The following ENSA variants were observed in gnomAD, a reference collection of about 807,000 sequenced individuals.
The protein encoded by ENSA is endosulfine alpha.
Under a neutral mutation model 16.8 loss-of-function variants are expected in ENSA, and 7 were observed. The observed-to-expected ratio is 0.42, with a 90% CI of 0.24 to 0.78. The LOEUF (loss-of-function observed/expected upper bound fraction) is 0.78, where lower values mean the gene tolerates loss of function less well. Ranked by LOEUF, ENSA falls within the 30% of genes least tolerant of loss-of-function variation. The pLI is 0.29. For synonymous variants in ENSA, 58 were observed against 53.4 expected (o/e 1.09, Z -0.37); for missense variants, 87 against 142.3 (o/e 0.61, Z 1.98).
At chr1:150,628,964 C>T in intron 1 of ENSA, 2 of 1,314,948 alleles carry the variant, frequency 1.5e-6, no homozygotes, top group Non-Finnish European at 2.2e-6. Flanking sequence ...CACTTCTCCC[C>T]TCCCCCAATA....
intron 1 of ENSA, chr1:150,629,085 A>C: frequency 6.2e-7 from 1 of 1,613,876 alleles, no homozygotes; most frequent in Non-Finnish European, 8.5e-7. Flanking sequence ...AACACACATC[A>C]CACCCAAGAC....
chr1:150,622,868 G>C lies in ENSA; in HGVS notation c.351-9C>G. On this transcript the variant is annotated splice_polypyrimidine_tract_variant and intron_variant, in intron 3 of 3. Transcript: ENST00000369014. The stretch of plus-strand genomic sequence containing the variant: ...ATCATTCAACTTGGCCACTGCGGAC[G>C]AACACAGAAGAAAAAAAAAAAAAAC... The C allele has an allele frequency of 7.0e-7, 1 of 1,424,200 alleles. No homozygotes were observed. The highest frequency in any genetic ancestry group is 9.3e-7 in the Non-Finnish European group (1 of 1,069,896). The allele number at this position is 1,424,200 out of a possible 1,614,324, so 88.2% of individuals were successfully genotyped here. A position where few individuals can be genotyped will look rare whatever the true frequency, so the allele number is the denominator to read the frequency against.
In ENSA at chr1:150,622,809, A is replaced by T; in HGVS notation, c.*35T>A. 6.4e-7 allele frequency: 1 copy of T among 1,561,346 alleles called. No homozygotes were observed. The highest frequency in any genetic ancestry group is 1.4e-5 in the African/African-American group (1 of 73,414). On this transcript the variant is annotated 3_prime_UTR_variant, in exon 4 of 4. Transcript: ENST00000369014. ...AGGACCCGGGTGGGGCAGGGAGGGG[A>T]AGCGTCTCAGGATCTGGCAGAGCCC...
At chr1:150,627,116 A>C in intron 2 of ENSA, 1 of 1,411,758 alleles carries the variant, frequency 7.1e-7, no homozygotes, top group Non-Finnish European at 9.2e-7. Context: ...ATGCATCCCA[A>C]AATTTATCTC....
intron 1 of ENSA, among the ~76,000 whole-genome samples, chr1:150,628,637 T>C (rs935791230): frequency 1.3e-5 from 2 of 152,174 alleles, no homozygotes; most frequent in African/African-American, 4.8e-5. Context: ...GTGTATTTAA[T>C]GAGTACCTGA....
In ENSA at chr1:150,626,236, G is replaced by T. The variant is rs181943088; in HGVS notation, c.184-428C>A. ...TATGGGGCTATCCTAGCCACCAGGAGATCAACCACAAGCCAACAACCTCAA... is the reference window on the plus strand; with the variant it reads ...TATGGGGCTATCCTAGCCACCAGGATATCAACCACAAGCCAACAACCTCAA... On this transcript the variant is annotated intron_variant, in intron 2 of 3. Coordinates refer to ENST00000369014, the MANE Select transcript of ENSA (RefSeq NM_004436.4). 4.9e-3 allele frequency among the ~76,000 whole-genome samples: 753 copies of T among 152,332 alleles called. 12 individuals carry two copies. The highest frequency in any genetic ancestry group is 1.9e-3 in the Non-Finnish European group (129 of 68,036).
At chr1:150,628,142 A>C (rs992670246) in intron 1 of ENSA, among the ~76,000 whole-genome samples, 1 of 152,162 alleles carries the variant, frequency 6.6e-6, no homozygotes, top group Non-Finnish European at 1.5e-5. Flanking sequence ...ACAACAACAA[A>C]AAATAGTTTG....
rs1305517264 is a variant in ENSA at position 150,625,805 on chromosome 1, T to C, written c.187A>G (p.Lys63Glu). The change falls in exon 3 of 4, where the codon AAG (lysine) becomes GAG (glutamate). Residue 63 changes from lysine (K) to glutamate (E), a missense_variant. Lys to Glu is a moderately conservative substitution (Grantham distance 56, BLOSUM62 1). Coordinates refer to ENST00000369014, the MANE Select transcript of ENSA (RefSeq NM_004436.4). ...FLMKRLQKGQ[K>E]YFDSGDYNMA... ...TTGTAGTCTCCTGAGTCAAAGTACT[T>C]TTGCTAAGAGATAAGAGGGAGGTTT... is the stretch of plus-strand genomic sequence containing the variant. The C allele has an allele frequency of 6.3e-7, 1 of 1,599,754 alleles. No individual in the cohort carries two copies. Among genetic ancestry groups the C allele is most frequent in the Non-Finnish European group, 8.5e-7 (1 of 1,172,306 alleles).
Position 150,627,544 on chromosome 1 carries a change from T to C in ENSA, c.106A>G (p.Lys36Glu). Residue 36 changes from lysine to glutamate, a missense_variant, in exon 2 of 4, where the codon AAG becomes GAG. By Grantham distance (56) the Lys-to-Glu change is moderately conservative (BLOSUM62 1). Coordinates refer to ENST00000369014, the MANE Select transcript of ENSA (RefSeq NM_004436.4). ...GILPERAEEA[K>E]LKAKYPSLGQ... ...AGGCTTGGGTATTTGGCCTTTAGCT[T>C]TGCCTCTTCAGCTCTCTCAGGCAGA... is the stretch of plus-strand genomic sequence containing the variant. The C allele has an allele frequency of 6.2e-7, 1 of 1,614,074 alleles. No homozygotes were observed. The highest frequency in any genetic ancestry group is 1.1e-5 in the South Asian group (1 of 91,072).
rs1649036379 is a variant in ENSA, at chr1:150,622,546, T to G, written c.*298A>C. On this transcript the variant is annotated 3_prime_UTR_variant, in exon 4 of 4. Coordinates refer to ENST00000369014, the MANE Select transcript of ENSA (RefSeq NM_004436.4). Reference sequence around the variant, plus strand: ...AACTCCAAGCCCTAATTCATACTCCTCCATATCTCCCACCCCACCCTTTCA... The same window carrying G: ...AACTCCAAGCCCTAATTCATACTCCGCCATATCTCCCACCCCACCCTTTCA... 3.0e-6 allele frequency: 1 copy of G among 328,944 alleles called. No homozygotes were observed. The highest frequency in any genetic ancestry group is 5.5e-6 in the Non-Finnish European group (1 of 181,836). 20.4% of individuals were successfully genotyped at this position (328,944 alleles called of 1,614,324 possible).
In ENSA at chr1:150,626,833, T is replaced by C. The variant is rs145166763; in HGVS notation, c.183+634A>G. ...TGCTGGGATTACAGGCGTGAGCCAC[T>C]GCGCCTGGCCAAATTTTTTTTTTAA... On this transcript the variant is annotated intron_variant, in intron 2 of 3. Coordinates refer to ENST00000369014, the MANE Select transcript of ENSA (RefSeq NM_004436.4). Among the ~76,000 whole-genome samples the C allele has an allele frequency of 9.1e-3, 1,382 of 152,278 alleles. 25 individuals carry two copies. The highest frequency in any genetic ancestry group is 0.031 in the African/African-American group (1,270 of 41,552).
chr1:150,627,933 C>T (rs1284525972), intron 1 of ENSA, among the ~76,000 whole-genome samples: 1 of 152,122 alleles, frequency 6.6e-6, no homozygotes, highest in South Asian at 2.1e-4. Context: ...AAAAGCAGGG[C>T]TTCTGGTGAT....
chr1:150,628,498 CTTT>C (rs36124577), intron 1 of ENSA, among the ~76,000 whole-genome samples: 2 of 142,978 alleles, frequency 1.4e-5, no homozygotes, highest in Middle Eastern at 3.6e-3. Flanking sequence ...TAGTCAATCT[CTTT>C]TTTTTTTTTT....
intron 2 of ENSA, chr1:150,626,966 C>T: frequency 2.3e-6 from 2 of 852,794 alleles, no homozygotes; most frequent in Non-Finnish European, 2.9e-6. Flanking sequence ...TAAGGAGGAC[C>T]ACTCTGAACA....
chr1:150,628,856 G>T, intron 1 of ENSA: 1 of 593,964 alleles, frequency 1.7e-6, no homozygotes, highest in East Asian at 2.8e-5. Context: ...CTTCAATATT[G>T]CTGGGTCCTC....
chr1:150,627,577 C>T lies in ENSA; in HGVS notation c.73G>A (p.Glu25Lys). The change falls in exon 2 of 4, where the codon GAA becomes AAA. Residue 25 changes from glutamate to lysine, a missense_variant. Glu to Lys is a moderately conservative substitution (Grantham distance 56). Coordinates refer to ENST00000369014, the MANE Select transcript of ENSA (RefSeq NM_004436.4). ...GEEKQDTQEK[E>K]GILPERAEEA... ...TCAGCTCTCTCAGGCAGAATACCTT[C>T]TTTCTCCTGCGTGTCCTGGAGAAAA... The T allele has an allele frequency of 6.2e-7, 1 of 1,611,176 alleles. No homozygotes were observed. The highest frequency in any genetic ancestry group is 8.5e-7 in the Non-Finnish European group (1 of 1,179,224).
At chr1:150,626,836 G>A (rs587723436) in intron 2 of ENSA, among the ~76,000 whole-genome samples, 32 of 152,266 alleles carry the variant, frequency 2.1e-4, no homozygotes, top group African/African-American at 7.0e-4. Context: ...GAGCCACTGC[G>A]CCTGGCCAAA....
chr1:150,624,061 G>C, intron 3 of ENSA: 2 of 985,402 alleles, frequency 2.0e-6, no homozygotes, highest in Non-Finnish European at 2.4e-6. Flanking sequence ...TTGAGCATTA[G>C]TTCTCACCCT....
chr1:150,627,058 T>C, intron 2 of ENSA: 1 of 1,259,990 alleles, frequency 7.9e-7, no homozygotes, highest in Non-Finnish European at 1.0e-6. Context: ...CATTTCAAGT[T>C]GAGGATTTAT....
Sources: allele counts gnomAD v4.1 joint callset (sites outside exome capture counted in the v4.1 genomes callset), GRCh38; gene constraint gnomAD v4.1.1; transcripts MANE v1.5; gene names NCBI Gene and HGNC (gene_info 2026-07-23, HGNC 2026-07-21).